The following GRID2 variants were observed in gnomAD, a reference collection of about 807,000 sequenced individuals.
GRID2 encodes glutamate ionotropic receptor delta type subunit 2, also known as glutamate receptor ionotropic, delta-2.
A neutral mutation model predicts 114.8 loss-of-function variants in GRID2; 33 were observed. That is an observed-to-expected ratio of 0.29 (90% CI 0.22 to 0.38). The LOEUF (loss-of-function observed/expected upper bound fraction) is 0.38. Among genes scored for constraint, GRID2 ranks in the 10% least tolerant of loss-of-function variants. The pLI, the probability that GRID2 is intolerant of heterozygous loss-of-function variation, is 1.00. For synonymous variants in GRID2, 505 were observed against 449.9 expected, an observed-to-expected ratio of 1.12 and a Z score of -1.55; for missense variants, 1,184 against 1,257.7, an observed-to-expected ratio of 0.94 and a Z score of 0.89.
At chr4:93,409,223 T>G (rs1464596195) in intron 9 of GRID2, among the ~76,000 whole-genome samples, 1 of 152,126 alleles carries the variant, frequency 6.6e-6, no homozygotes, top group East Asian at 1.9e-4. Context: ...CACATGCATG[T>G]GAAGTCACTC....
At chr4:93,593,968 C>A (rs1175180355) in intron 13 of GRID2, among the ~76,000 whole-genome samples, 1 of 151,474 alleles carries the variant, frequency 6.6e-6, no homozygotes, top group East Asian at 2.0e-4. Flanking sequence ...AAATTTTTTT[C>A]AAAGTTTTCA....
intron 8 of GRID2, among the ~76,000 whole-genome samples, chr4:93,286,713 G>T (rs985789057): frequency 7.0e-6 from 1 of 143,102 alleles, no homozygotes; most frequent in African/African-American, 3.0e-5. Flanking sequence ...GTGTGTGTGT[G>T]TGTGTGTATG....
At chr4:93,305,400 G>A (rs192681209) in intron 8 of GRID2, among the ~76,000 whole-genome samples, 116 of 152,234 alleles carry the variant, frequency 7.6e-4, no homozygotes, top group African/African-American at 2.6e-3. Context: ...TAAGTCCATG[G>A]GTTAGAGGAA....
intron 4 of GRID2, among the ~76,000 whole-genome samples, chr4:93,141,466 T>C (rs1002519836): frequency 3.9e-5 from 6 of 152,190 alleles, no homozygotes. Flanking sequence ...TTCAAGCCTC[T>C]GAGATATCAT....
At chr4:93,217,966 T>C (rs1267017573) in intron 6 of GRID2, among the ~76,000 whole-genome samples, 1 of 151,936 alleles carries the variant, frequency 6.6e-6, no homozygotes, top group Non-Finnish European at 1.5e-5. Context: ...TTTGGAAATA[T>C]AACCCTAGGA....
chr4:93,256,304 T>G (rs940503307), intron 8 of GRID2, among the ~76,000 whole-genome samples: 2 of 152,108 alleles, frequency 1.3e-5, no homozygotes, highest in Non-Finnish European at 1.5e-5. Flanking sequence ...ATATTTTGAT[T>G]GAAAATACAT....
chr4:92,777,530 C>T (rs368464938), intron 2 of GRID2, among the ~76,000 whole-genome samples: 6 of 151,992 alleles, frequency 3.9e-5, no homozygotes, highest in African/African-American at 9.7e-5. Flanking sequence ...CTTGATGCAT[C>T]GCTTCTTAAA....
At chr4:93,781,488 T>C (rs537090341) in intron 1 of GRID2, among the ~76,000 whole-genome samples, 7 of 152,060 alleles carry the variant, frequency 4.6e-5, no homozygotes, top group Non-Finnish European at 8.8e-5. Flanking sequence ...TTGCTTTGAT[T>C]TCTTCATTTG....
intron 2 of GRID2, among the ~76,000 whole-genome samples, chr4:92,953,603 A>G (rs1752178931): frequency 6.6e-6 from 1 of 152,160 alleles, no homozygotes; most frequent in Non-Finnish European, 1.5e-5. Flanking sequence ...TGCATTTAAT[A>G]GAAATTACTA....
chr4:92,619,890 A>C (rs753537074), intron 2 of GRID2, among the ~76,000 whole-genome samples: 42 of 149,968 alleles, frequency 2.8e-4, no homozygotes, highest in Non-Finnish European at 3.1e-4. Context: ...GCGAAGTTAC[A>C]CATGCCTTTT....
intron 2 of GRID2, among the ~76,000 whole-genome samples, chr4:92,937,396 T>A (rs769583535): frequency 1.4e-5 from 2 of 146,710 alleles, no homozygotes; most frequent in Non-Finnish European, 3.0e-5. Flanking sequence ...AACTTCATTC[T>A]TCTGTGTGTG....
intron 2 of GRID2, among the ~76,000 whole-genome samples, chr4:92,955,503 A>G (rs1406873915): frequency 1.3e-5 from 2 of 151,796 alleles, no homozygotes; most frequent in Non-Finnish European, 2.9e-5. Flanking sequence ...TTCATTGTAG[A>G]TTCTGGATAT....
chr4:92,459,272 TATAA>T (rs1428281283), intron 1 of GRID2, among the ~76,000 whole-genome samples: 3 of 152,194 alleles, frequency 2.0e-5, no homozygotes, highest in African/African-American at 7.2e-5. Context: ...ATATAATTGT[TATAA>T]ATAATTTAAT....
At chr4:92,378,129 C>T (rs1321618519) in intron 1 of GRID2, among the ~76,000 whole-genome samples, 2 of 151,020 alleles carry the variant, frequency 1.3e-5, no homozygotes, top group African/African-American at 4.9e-5. Context: ...AAAATGATGC[C>T]TGGAGAGATG....
chr4:93,605,499 G>C (rs1740137881), intron 13 of GRID2, among the ~76,000 whole-genome samples: 1 of 152,136 alleles, frequency 6.6e-6, no homozygotes, highest in Non-Finnish European at 1.5e-5. Flanking sequence ...ATATATAGTA[G>C]AAATATCATT....
intron 8 of GRID2, among the ~76,000 whole-genome samples, chr4:93,292,836 G>C (rs1443207408): frequency 6.6e-6 from 1 of 152,074 alleles, no homozygotes. Flanking sequence ...GGTCCCCTGA[G>C]CTACATTGGA....
intron 9 of GRID2, among the ~76,000 whole-genome samples, chr4:93,404,569 A>G (rs1280634170): frequency 6.6e-6 from 1 of 152,154 alleles, no homozygotes; most frequent in Non-Finnish European, 1.5e-5. Flanking sequence ...TAAAGCTGTT[A>G]TAAAAATTCA....
intron 2 of GRID2, among the ~76,000 whole-genome samples, chr4:92,814,501 G>C (rs1740793003): frequency 6.6e-6 from 1 of 152,084 alleles, no homozygotes; most frequent in Admixed American, 6.6e-5. Context: ...ACAAATTGCT[G>C]AGGTGCTGGA....
intron 1 of GRID2, among the ~76,000 whole-genome samples, chr4:92,472,585 T>C (rs917997981): frequency 6.6e-6 from 1 of 152,162 alleles, no homozygotes; most frequent in Admixed American, 6.6e-5. Flanking sequence ...TCTTCATCAA[T>C]ACTGGTGTGG....
Sources: gnomAD v4.1 joint callset for allele counts (sites outside exome capture counted in the v4.1 genomes callset) on GRCh38, gnomAD v4.1.1 for gene constraint, MANE v1.5 for transcripts, NCBI Gene and HGNC (gene_info 2026-07-23, HGNC 2026-07-21) for gene names.